Variants in MYO6 observed in about 807,000 individuals in gnomAD.
The protein encoded by MYO6 is unconventional myosin-VI.
Under a neutral mutation model 178.7 loss-of-function variants are expected in MYO6, and 74 were observed. That is an observed-to-expected ratio of 0.41 (90% CI 0.34 to 0.50). The LOEUF (loss-of-function observed/expected upper bound fraction) is 0.50, where lower values mean the gene tolerates loss of function less well. Ranked by LOEUF, MYO6 falls within the 20% of genes least tolerant of loss-of-function variation. The pLI is 0.09. For missense variants in MYO6, 1,330 were observed against 1,547.4 expected, an observed-to-expected ratio of 0.86 and a Z score of 2.36; for synonymous variants, 477 against 504.6, an observed-to-expected ratio of 0.95 and a Z score of 0.73.
chr6:75,764,948 G>GAGATC (rs1778275606), intron 1 of MYO6, among the ~76,000 whole-genome samples: 1 of 150,966 alleles, frequency 6.6e-6, no homozygotes, highest in Non-Finnish European at 1.5e-5. Flanking sequence ...GCAGTGAGCC[G>GAGATC]AGATCATGCC....
At chr6:75,787,760 A>ATG (rs1767806000) in intron 1 of MYO6, among the ~76,000 whole-genome samples, 5 of 107,438 alleles carry the variant, frequency 4.7e-5, no homozygotes, top group Non-Finnish European at 9.4e-5. Context: ...ATATATATAT[A>ATG]TGTATTTTTT....
intron 18 of MYO6, among the ~76,000 whole-genome samples, chr6:75,868,424 A>G (rs961403030): frequency 3.3e-5 from 5 of 152,040 alleles, no homozygotes; most frequent in African/African-American, 4.8e-5. Flanking sequence ...CTACTCTAAT[A>G]TTATTGTAGT....
At chr6:75,910,927 T>C (rs1008625178) in intron 32 of MYO6, among the ~76,000 whole-genome samples, 2 of 152,102 alleles carry the variant, frequency 1.3e-5, no homozygotes, top group African/African-American at 4.8e-5. Flanking sequence ...TGACAACTTA[T>C]GATTAACAAA....
At chr6:75,890,354 GT>G in intron 26 of MYO6, 89 bp downstream of exon 26, 1 of 1,570,122 alleles carries the variant, frequency 6.4e-7, no homozygotes, top group Non-Finnish European at 8.7e-7. Flanking sequence ...TATTTGTTTT[GT>G]TTTGTTTTTG....
intron 1 of MYO6, among the ~76,000 whole-genome samples, chr6:75,782,328 A>G (rs1032480627): frequency 3.3e-5 from 5 of 152,088 alleles, no homozygotes; most frequent in Non-Finnish European, 7.4e-5. Flanking sequence ...ATAAATTCTT[A>G]CCTTACACTG....
chr6:75,902,836 C>A (rs1024413519), intron 30 of MYO6, among the ~76,000 whole-genome samples: 26 of 151,452 alleles, frequency 1.7e-4, no homozygotes, highest in African/African-American at 6.3e-4. Flanking sequence ...AATTTTGGAT[C>A]TTTCCTGCTT....
At chr6:75,754,369 A>C (rs1777153847) in intron 1 of MYO6, among the ~76,000 whole-genome samples, 1 of 151,800 alleles carries the variant, frequency 6.6e-6, no homozygotes, top group Non-Finnish European at 1.5e-5. Flanking sequence ...AAAATACAAA[A>C]ATTAGCTGGG....
chr6:75,779,300 G>C (rs906429564), intron 1 of MYO6, among the ~76,000 whole-genome samples: 9 of 152,056 alleles, frequency 5.9e-5, no homozygotes, highest in African/African-American at 2.2e-4. Flanking sequence ...TCAGGAGTTT[G>C]AGAACAGCCT....
chr6:75,847,971 T>TA (rs1199394119), intron 10 of MYO6, among the ~76,000 whole-genome samples: 1 of 152,136 alleles, frequency 6.6e-6, no homozygotes, highest in Non-Finnish European at 1.5e-5. Context: ...TTACCTCATT[T>TA]AAAAAAACTG....
chr6:75,905,962 A>G lies in MYO6; in HGVS notation c.3177-1643A>G, dbSNP rs139187003. Among the ~76,000 whole-genome samples the G allele has an allele frequency of 1.6e-3, 239 of 152,362 alleles. 3 individuals carry two copies. The East Asian group carries it at 0.019, about 12-fold the overall frequency. On this transcript the variant is annotated intron_variant, in intron 30 of 34. Transcript: ENST00000369977. ...GGAAGAAAGTGACATATTCTCAGAC[A>G]TCATTTTTCAATTAAGTATGTGTCT...
At chr6:75,842,771 T>G (rs1379766096) in intron 9 of MYO6, among the ~76,000 whole-genome samples, 1 of 152,222 alleles carries the variant, frequency 6.6e-6, no homozygotes, top group African/African-American at 2.4e-5. Context: ...TTGTCAATAC[T>G]TAGCTGACAA....
At position 75,794,974 on chromosome 6, in the gene MYO6, G is replaced by A. The variant is rs185993440; in HGVS notation, c.-47-22527G>A. Among the ~76,000 whole-genome samples the A allele has an allele frequency of 7.9e-5, 12 of 152,320 alleles. No homozygotes were observed. In the East Asian group the frequency reaches 1.7e-3, roughly 22 times the overall value. On this transcript the variant is annotated intron_variant, in intron 1 of 34. Transcript: ENST00000369977. ...AGTAGTTCTAATGGATTCTATTCCAGGATGGTAATTCTTGTGAAGTGAGAC... is the reference window on the plus strand; with the variant it reads ...AGTAGTTCTAATGGATTCTATTCCAAGATGGTAATTCTTGTGAAGTGAGAC...
chr6:75,891,740 C>T (rs1377257361), intron 27 of MYO6, among the ~76,000 whole-genome samples: 1 of 152,142 alleles, frequency 6.6e-6, no homozygotes, highest in Non-Finnish European at 1.5e-5. Context: ...TCCTAGAGAC[C>T]AAAGGCCAGT....
intron 17 of MYO6, 137 bp downstream of exon 17, chr6:75,866,758 A>G: frequency 9.4e-7 from 1 of 1,069,190 alleles, no homozygotes; most frequent in South Asian, 1.3e-5. Context: ...TCAATTCCTC[A>G]GTACACTAGC....
At chr6:75,873,944 C>A (rs1328976882) in intron 20 of MYO6, among the ~76,000 whole-genome samples, 1 of 152,280 alleles carries the variant, frequency 6.6e-6, no homozygotes, top group East Asian at 1.9e-4. Context: ...CCTTGCCCAT[C>A]CTCCCTTCTC....
intron 25 of MYO6, among the ~76,000 whole-genome samples, chr6:75,888,797 A>AT (rs1191621772): frequency 6.6e-6 from 1 of 152,120 alleles, no homozygotes; most frequent in Non-Finnish European, 1.5e-5. Context: ...TACCATTGTT[A>AT]TATACTTGTC....
At position 75,874,209 on chromosome 6, in the gene MYO6, G is replaced by A. The variant is rs60907401; in HGVS notation, c.2077+909G>A. On this transcript the variant is annotated intron_variant, in intron 20 of 34. Coordinates refer to ENST00000369977, the MANE Select transcript of MYO6 (RefSeq NM_004999.4). The stretch of plus-strand genomic sequence containing the variant: ...CCTCTCCCCAACTATATAAGCTTCA[G>A]CCCCCGCCTCACAAATCTAGATCTA... Among the ~76,000 whole-genome samples, 507 of 151,928 alleles carry A rather than the reference G, an allele frequency of 3.3e-3. 2 individuals are homozygous for A. The highest frequency in any genetic ancestry group is 0.011 in the African/African-American group (466 of 41,386).
chr6:75,753,743 T>C (rs1051864338), intron 1 of MYO6, among the ~76,000 whole-genome samples: 4 of 152,106 alleles, frequency 2.6e-5, no homozygotes, highest in African/African-American at 9.7e-5. Context: ...ATTACAGGCA[T>C]GAGCTACCGT....
At chr6:75,856,767 A>G (rs959923454) in intron 12 of MYO6, among the ~76,000 whole-genome samples, 5 of 152,166 alleles carry the variant, frequency 3.3e-5, no homozygotes, top group African/African-American at 4.8e-5. Context: ...TGAATTAAAC[A>G]CTGTTTCCTT....
Sources: gnomAD v4.1 joint callset for allele counts (sites outside exome capture counted in the v4.1 genomes callset) on GRCh38, gnomAD v4.1.1 for gene constraint, MANE v1.5 for transcripts, NCBI Gene and HGNC (gene_info 2026-07-23, HGNC 2026-07-21) for gene names.